The following RANBP2 variants were observed in gnomAD, a reference collection of about 807,000 sequenced individuals.
The protein encoded by RANBP2 is E3 SUMO-protein ligase RanBP2.
A neutral mutation model predicts 303.6 loss-of-function variants in RANBP2; 57 were observed. That is an observed-to-expected ratio of 0.19 (90% confidence interval 0.15 to 0.23). RANBP2 has a LOEUF of 0.23. Ranked by LOEUF, RANBP2 falls within the 10% of genes least tolerant of loss-of-function variation. The pLI is 1.00. For synonymous variants in RANBP2, 1,167 were observed against 1,301.5 expected, an observed-to-expected ratio of 0.90 and a Z score of 2.23; for missense variants, 3,138 against 3,780.8, an observed-to-expected ratio of 0.83 and a Z score of 4.46.
chr2:109,065,196 A>C, the RANBP2 span, among the ~76,000 whole-genome samples: 2 of 152,214 alleles, frequency 1.3e-5, no homozygotes, highest in Admixed American at 6.5e-5. Context: ...TATATTCTTC[A>C]TCAATGTGTG....
chr2:109,549,180 C>T, the RANBP2 span, among the ~76,000 whole-genome samples: 1 of 152,316 alleles, frequency 6.6e-6, no homozygotes, highest in African/African-American at 2.4e-5. Context: ...CAGTTCTCTG[C>T]ACACGTGTGC....
At position 108,731,407 on chromosome 2, in the gene RANBP2, G is replaced by A; in HGVS notation, c.338G>A (p.Arg113Lys). The A allele has an allele frequency of 6.2e-7, 1 of 1,611,554 alleles. No homozygotes were observed. ...LLCKNDVTDG[R>K]AKYWLERAAK... ...TGTAAAAATGATGTTACTGATGGAA[G>A]AGCAAAATACTGGCTTGAAAGAGCA... The change falls in exon 4 of 29, where the codon AGA becomes AAA. Residue 113 changes from arginine to lysine, a missense_variant. This residue lies in a region of RANBP2 where 306 missense variants were observed against 381.9 expected (regional missense o/e 0.80). Transcript: ENST00000283195.
the RANBP2 span, among the ~76,000 whole-genome samples, chr2:109,089,571 A>C: frequency 6.6e-6 from 1 of 152,062 alleles, no homozygotes; most frequent in Admixed American, 6.6e-5. Flanking sequence ...GCACTACCGC[A>C]CTCCAGCCTG....
the RANBP2 span, among the ~76,000 whole-genome samples, chr2:109,637,528 C>T: frequency 1.3e-5 from 2 of 152,162 alleles, no homozygotes; most frequent in Non-Finnish European, 2.9e-5. Flanking sequence ...GGCAGAGTTC[C>T]CTGCGGCTTT....
At chr2:109,560,673 C>T in the RANBP2 span, among the ~76,000 whole-genome samples, 1 of 152,154 alleles carries the variant, frequency 6.6e-6, no homozygotes, top group African/African-American at 2.4e-5. Flanking sequence ...TCAACAGGTC[C>T]CAAACTGTGA....
At chr2:108,793,061 C>CA in the RANBP2 span, among the ~76,000 whole-genome samples, 42 of 116,308 alleles carry the variant, frequency 3.6e-4, no homozygotes, top group African/African-American at 5.0e-4. Context: ...GACTCTGTCT[C>CA]AAAAAAAAAA....
At chr2:109,237,305 T>C in the RANBP2 span, among the ~76,000 whole-genome samples, 1 of 152,176 alleles carries the variant, frequency 6.6e-6, no homozygotes, top group Non-Finnish European at 1.5e-5. Flanking sequence ...TCAGAAAACA[T>C]GGAGAAATGT....
the RANBP2 span, among the ~76,000 whole-genome samples, chr2:108,933,919 T>C: frequency 1.3e-5 from 2 of 152,188 alleles, no homozygotes; most frequent in East Asian, 2.0e-4. Context: ...TTAGCAGAGA[T>C]AGGTTTCCAC....
At chr2:108,871,401 A>G in the RANBP2 span, among the ~76,000 whole-genome samples, 1 of 151,048 alleles carries the variant, frequency 6.6e-6, no homozygotes, top group Non-Finnish European at 1.5e-5. Flanking sequence ...AAAAATAGAA[A>G]AATTAACTGG....
chr2:109,613,974 C>T, the RANBP2 span: 4 of 966,322 alleles, frequency 4.1e-6, no homozygotes, highest in Non-Finnish European at 5.0e-6. Context: ...GGGACAGGGG[C>T]GGGGCCGAGC....
intron 5 of RANBP2, 65 bp downstream of exon 5, chr2:108,735,827 A>G (rs1022739803): frequency 1.8e-5 from 28 of 1,597,388 alleles, no homozygotes; most frequent in Non-Finnish European, 2.3e-5. Flanking sequence ...TTTTTGTACT[A>G]AAGCAGCAGT....
the RANBP2 span, among the ~76,000 whole-genome samples, chr2:109,560,141 T>C: frequency 1.3e-5 from 2 of 152,042 alleles, no homozygotes; most frequent in African/African-American, 4.8e-5. Context: ...AGGATAGTCT[T>C]GATCTCCTGA....
the RANBP2 span, among the ~76,000 whole-genome samples, chr2:109,305,995 CAT>C: frequency 6.6e-6 from 1 of 152,214 alleles, no homozygotes; most frequent in Non-Finnish European, 1.5e-5. Flanking sequence ...TAGATCTGGG[CAT>C]TACAGAGCTA....
the RANBP2 span, among the ~76,000 whole-genome samples, chr2:109,051,780 G>A: frequency 0.013 from 1,915 of 149,534 alleles, 41 homozygotes; most frequent in African/African-American, 0.042. Flanking sequence ...ACAGAGTCTC[G>A]CTCTGTCGCC....
At chr2:109,242,417 GC>G in the RANBP2 span, among the ~76,000 whole-genome samples, 4 of 152,168 alleles carry the variant, frequency 2.6e-5, no homozygotes, top group Non-Finnish European at 4.4e-5. Flanking sequence ...CCATAGAGCA[GC>G]CCGTGCCTAG....
the RANBP2 span, among the ~76,000 whole-genome samples, chr2:109,266,583 G>A: frequency 1.2e-4 from 19 of 152,098 alleles, no homozygotes; most frequent in African/African-American, 4.3e-4. Context: ...TGTGCCTGAT[G>A]CCCGTCACCG....
chr2:109,407,736 C>G, the RANBP2 span, among the ~76,000 whole-genome samples: 1 of 111,826 alleles, frequency 8.9e-6, no homozygotes, highest in Non-Finnish European at 1.9e-5. Flanking sequence ...CCAAGTGAGC[C>G]TGGGATGAAT....
the RANBP2 span, among the ~76,000 whole-genome samples, chr2:109,417,560 A>T: frequency 2.0e-5 from 3 of 151,964 alleles, no homozygotes; most frequent in African/African-American, 7.3e-5. Context: ...CAGGCACAGG[A>T]CCCCGACAGC....
chr2:109,565,946 A>AT, the RANBP2 span: 3 of 1,177,938 alleles, frequency 2.5e-6, no homozygotes, highest in Non-Finnish European at 3.8e-6. Flanking sequence ...GAAGAGAATA[A>AT]TTAAATAACA....
Sources: gnomAD v4.1 joint callset for allele counts (sites outside exome capture counted in the v4.1 genomes callset) on GRCh38, gnomAD v4.1.1 for gene constraint, gnomAD v4.1.1 regional missense constraint, MANE v1.5 for transcripts, NCBI Gene and HGNC (gene_info 2026-07-23, HGNC 2026-07-21) for gene names.